Variants in STK32B observed in about 807,000 individuals in gnomAD.
STK32B encodes the protein serine/threonine-protein kinase 32B.
In STK32B, 43 loss-of-function variants were observed where a neutral mutation model predicts 52.6. That is an observed-to-expected ratio of 0.82 (90% CI 0.64 to 1.05). The LOEUF is 1.05. STK32B is among the 50% of genes least tolerant of loss of function. STK32B has a pLI of 0.00. For missense variants in STK32B, 621 were observed against 534.6 expected, an observed-to-expected ratio of 1.16 and a Z score of -1.59; for synonymous variants, 238 against 204.3, an observed-to-expected ratio of 1.17 and a Z score of -1.41.
At chr4:5,199,374 A>G (rs377334347) in intron 3 of STK32B, among the ~76,000 whole-genome samples, 4 of 152,162 alleles carry the variant, frequency 2.6e-5, no homozygotes, top group East Asian at 3.9e-4. Context: ...TCATTAGCAT[A>G]TCTTTGTTGC....
chr4:5,281,245 T>C (rs1728176698), intron 3 of STK32B, among the ~76,000 whole-genome samples: 1 of 152,146 alleles, frequency 6.6e-6, no homozygotes, highest in Non-Finnish European at 1.5e-5. Context: ...GGAATTACAA[T>C]TTGACATGAG....
intron 3 of STK32B, among the ~76,000 whole-genome samples, chr4:5,215,086 A>G (rs545649455): frequency 6.6e-6 from 1 of 152,358 alleles, no homozygotes; most frequent in South Asian, 2.1e-4. Context: ...TTTAGATGGG[A>G]GCAAGCCATT....
In STK32B at chr4:5,486,143, G is replaced by A. The variant is rs1719180611; in HGVS notation, c.1107-12802G>A. Among the ~76,000 whole-genome samples the A allele has an allele frequency of 1.3e-5, 2 of 152,304 alleles. 1 individual carries two copies. Among genetic ancestry groups the A allele is most frequent in the South Asian group, 4.1e-4 (2 of 4,822 alleles). On this transcript the variant is annotated intron_variant, in intron 11 of 11. Transcript: ENST00000282908. ...AGACAGGAACATTTAAGTCTGCAGA[G>A]GATTCTGCTGCCTTTTGTTTGGCTA...
chr4:5,269,679 T>C (rs899839299), intron 3 of STK32B, among the ~76,000 whole-genome samples: 2 of 151,168 alleles, frequency 1.3e-5, no homozygotes, highest in South Asian at 4.2e-4. Context: ...GCAATATTTG[T>C]GCTGAAAAAT....
At chr4:5,135,331 C>T (rs1204190624) in intron 1 of STK32B, among the ~76,000 whole-genome samples, 2 of 152,202 alleles carry the variant, frequency 1.3e-5, no homozygotes, top group Non-Finnish European at 2.9e-5. Context: ...ATCACCCAGC[C>T]ACAGCCACTG....
intron 3 of STK32B, among the ~76,000 whole-genome samples, chr4:5,276,944 A>G (rs1727862473): frequency 1.3e-5 from 2 of 152,206 alleles, no homozygotes; most frequent in South Asian, 4.1e-4. Context: ...AGGACACTCT[A>G]TAAATACGTG....
chr4:5,488,686 T>A (rs1165855408), intron 11 of STK32B, among the ~76,000 whole-genome samples: 1 of 152,164 alleles, frequency 6.6e-6, no homozygotes, highest in Non-Finnish European at 1.5e-5. Context: ...GACAAAAATT[T>A]ACCACACAAG....
chr4:5,038,510 G>C, the STK32B span, among the ~76,000 whole-genome samples: 1 of 152,202 alleles, frequency 6.6e-6, no homozygotes. Context: ...GCATGGTCTA[G>C]CCTACTGCTA....
chr4:5,104,086 T>C (rs1713967231), intron 1 of STK32B, among the ~76,000 whole-genome samples: 1 of 152,142 alleles, frequency 6.6e-6, no homozygotes, highest in South Asian at 2.1e-4. Flanking sequence ...ATATTAACTA[T>C]TGATATGGTT....
At chr4:5,152,135 T>C (rs1378598151) in intron 2 of STK32B, among the ~76,000 whole-genome samples, 1 of 152,214 alleles carries the variant, frequency 6.6e-6, no homozygotes, top group African/African-American at 2.4e-5. Flanking sequence ...TTTTTGGTCA[T>C]TTTCGTCAGC....
intron 1 of STK32B, among the ~76,000 whole-genome samples, chr4:5,127,958 G>A (rs1320205440): frequency 1.3e-5 from 2 of 152,212 alleles, no homozygotes; most frequent in East Asian, 3.8e-4. Flanking sequence ...CATATAAGAT[G>A]TGACTTTGCT....
chr4:5,020,134 A>G, the STK32B span, among the ~76,000 whole-genome samples: 1 of 152,318 alleles, frequency 6.6e-6, no homozygotes, highest in Non-Finnish European at 1.5e-5. Flanking sequence ...AGCTCCCAGC[A>G]CAGGCCCCGA....
At chr4:5,457,262 C>A (rs1716626981) in intron 8 of STK32B, among the ~76,000 whole-genome samples, 1 of 141,314 alleles carries the variant, frequency 7.1e-6, no homozygotes, top group Non-Finnish European at 1.5e-5. Context: ...GTCGCCCAGG[C>A]TGGAGTGCAG....
intron 6 of STK32B, among the ~76,000 whole-genome samples, chr4:5,426,363 A>G (rs1359531959): frequency 3.9e-5 from 6 of 152,100 alleles, no homozygotes; most frequent in South Asian, 2.1e-4. Flanking sequence ...TGCCATCCAT[A>G]TATTTTCTGT....
At chr4:5,245,799 C>T (rs1166592658) in intron 3 of STK32B, among the ~76,000 whole-genome samples, 1 of 152,142 alleles carries the variant, frequency 6.6e-6, no homozygotes, top group Non-Finnish European at 1.5e-5. Flanking sequence ...ATTTGCTTGT[C>T]TGTAAAGTAT....
At chr4:5,031,959 C>CATTA in the STK32B span, among the ~76,000 whole-genome samples, 2 of 152,290 alleles carry the variant, frequency 1.3e-5, no homozygotes, top group East Asian at 3.9e-4. Context: ...GAAACAGATA[C>CATTA]CACCTTGCAT....
chr4:5,171,934 C>G (rs1053118001), intron 3 of STK32B, among the ~76,000 whole-genome samples: 11 of 151,590 alleles, frequency 7.3e-5, no homozygotes, highest in African/African-American at 2.4e-4. Flanking sequence ...TTCTTCCTAC[C>G]CATGAGCATG....
chr4:5,441,377 T>C (rs1714732556), intron 6 of STK32B, among the ~76,000 whole-genome samples: 1 of 150,854 alleles, frequency 6.6e-6, no homozygotes, highest in Non-Finnish European at 1.5e-5. Context: ...TTCTAGATTT[T>C]CTAGTTTATT....
At chr4:5,031,399 C>T in the STK32B span, among the ~76,000 whole-genome samples, 2 of 152,076 alleles carry the variant, frequency 1.3e-5, no homozygotes, top group East Asian at 3.9e-4. Context: ...GGGTTTGAGG[C>T]CAGTCTGGGC....
Sources: gnomAD v4.1 joint callset for allele counts (sites outside exome capture counted in the v4.1 genomes callset) on GRCh38, gnomAD v4.1.1 for gene constraint, MANE v1.5 for transcripts, NCBI Gene and HGNC (gene_info 2026-07-23, HGNC 2026-07-21) for gene names.